Variants in ZW10 observed in about 807,000 individuals in gnomAD.
ZW10 encodes zw10 kinetochore protein.
In ZW10, 53 loss-of-function variants were observed where a neutral mutation model predicts 87.8. The observed-to-expected ratio is 0.60, with a 90% CI of 0.48 to 0.76. The LOEUF is 0.76. ZW10 is among the 30% of genes least tolerant of loss of function. The pLI is 0.00. For synonymous variants in ZW10, 312 were observed against 329.2 expected (o/e 0.95, Z 0.57); for missense variants, 837 against 923.0 (o/e 0.91, Z 1.21).
At chr11:113,741,828 T>C in intron 10 of ZW10, 63 bp from the exon 11 acceptor site, 1 of 1,142,444 alleles carries the variant, frequency 8.8e-7, no homozygotes, top group Non-Finnish European at 1.3e-6. Flanking sequence ...AGAAAAAAAT[T>C]TAAACTAAGT....
At chr11:113,773,517 A>G (rs1335892337) in intron 1 of ZW10, 45 bp downstream of exon 1, 15 of 1,547,322 alleles carry the variant, frequency 9.7e-6, no homozygotes, top group Non-Finnish European at 1.2e-5. Context: ...TCACACAAGG[A>G]CCCGGAGTCC....
chr11:113,746,140 A>G (rs566064268), intron 9 of ZW10, among the ~76,000 whole-genome samples: 1 of 152,346 alleles, frequency 6.6e-6, no homozygotes, highest in South Asian at 2.1e-4. Context: ...CCAAATGTTA[A>G]CACTGCCACT....
chr11:113,739,485 C>T (rs1271120022), intron 11 of ZW10, 103 bp from the exon 12 acceptor site: 2 of 1,054,870 alleles, frequency 1.9e-6, no homozygotes, highest in Non-Finnish European at 1.4e-6. Flanking sequence ...GCTTTAATAA[C>T]TGTCTAGTTT....
intron 9 of ZW10, 69 bp downstream of exon 9, chr11:113,747,462 T>G: frequency 2.2e-6 from 3 of 1,354,944 alleles, no homozygotes; most frequent in Non-Finnish European, 3.1e-6. Flanking sequence ...CACTTTACTA[T>G]ATGCATCTCA....
intron 9 of ZW10, 75 bp downstream of exon 9, chr11:113,747,456 T>C (rs1030404245): frequency 7.6e-7 from 1 of 1,323,628 alleles, no homozygotes. Flanking sequence ...CTCTTCCACT[T>C]TACTATATGC....
At chr11:113,751,083 G>C in intron 7 of ZW10, 1 of 187,416 alleles carries the variant, frequency 5.3e-6, no homozygotes, top group Admixed American at 4.9e-5. Context: ...TTATTAGGTA[G>C]ATGCCTTGGA....
At chr11:113,772,694 C>A (rs909568025) in intron 1 of ZW10, among the ~76,000 whole-genome samples, 1 of 151,784 alleles carries the variant, frequency 6.6e-6, no homozygotes, top group Non-Finnish European at 1.5e-5. Context: ...ATTAAGAGGC[C>A]GGAGACGGTG....
chr11:113,747,387 G>A, intron 9 of ZW10, 144 bp downstream of exon 9: 2 of 673,002 alleles, frequency 3.0e-6, no homozygotes, highest in South Asian at 2.4e-5. Context: ...CACTTTAAAG[G>A]AGACAAAACC....
At position 113,773,577 on chromosome 11, in the gene ZW10, C is replaced by A. The variant is rs1174115553; in HGVS notation, c.90G>T (p.Arg30=). The A allele has an allele frequency of 2.5e-6, 4 of 1,613,504 alleles. No homozygotes were observed. The highest frequency in any genetic ancestry group is 2.2e-5 in the East Asian group (1 of 44,884). ...LGTRISRLTR[R]VEEIKGEVCN... ...CCGCTCTCACCTTGATCTCCTCCAC[C>A]CGCCGGGTCAGGCGGCTGATCCGGG... The change falls in exon 1 of 16, where the codon CGG becomes CGT. Residue 30 remains arginine (R), a synonymous_variant. Transcript: ENST00000200135.
chr11:113,745,701 G>A (rs183615437), intron 9 of ZW10, among the ~76,000 whole-genome samples: 172 of 152,318 alleles, frequency 1.1e-3, no homozygotes, highest in African/African-American at 3.6e-3. Flanking sequence ...ACGGAAGAAT[G>A]TTAGACCTAG....
At chr11:113,748,157 A>G (rs1953699693) in intron 8 of ZW10, 100 bp downstream of exon 8, 1 of 1,106,550 alleles carries the variant, frequency 9.0e-7, no homozygotes, top group Admixed American at 2.8e-5. Flanking sequence ...AATTTACTTA[A>G]AGGTATAACT....
chr11:113,747,082 C>G (rs1425832322), intron 9 of ZW10, among the ~76,000 whole-genome samples: 1 of 151,646 alleles, frequency 6.6e-6, no homozygotes, highest in Non-Finnish European at 1.5e-5. Flanking sequence ...TTATTTATAT[C>G]CTATCTTTTT....
intron 7 of ZW10, among the ~76,000 whole-genome samples, chr11:113,750,232 A>C (rs1350464994): frequency 6.6e-6 from 1 of 152,212 alleles, no homozygotes; most frequent in African/African-American, 2.4e-5. Context: ...TTTCACAATC[A>C]ATGGCAGCTG....
At chr11:113,770,970 A>AT (rs71063523) in intron 1 of ZW10, among the ~76,000 whole-genome samples, 41,341 of 116,022 alleles carry the variant, frequency 0.36, 9,508 homozygotes, top group Non-Finnish European at 0.49. Flanking sequence ...TGAGGATGCT[A>AT]TTTTTTTTTT....
chr11:113,760,628 T>C (rs1953847442), intron 3 of ZW10, 38 bp from the exon 4 acceptor site: 1 of 1,521,042 alleles, frequency 6.6e-7, no homozygotes, highest in African/African-American at 1.4e-5. Flanking sequence ...CATCCTATTA[T>C]TTCAAGTCTG....
At chr11:113,764,829 T>C (rs185118751) in intron 2 of ZW10, among the ~76,000 whole-genome samples, 2 of 152,330 alleles carry the variant, frequency 1.3e-5, no homozygotes, top group Admixed American at 6.5e-5. Flanking sequence ...TCCATGAAAC[T>C]ATTCTCTACT....
At position 113,760,528 on chromosome 11, in the gene ZW10, A is replaced by C. The variant is rs1322178808; in HGVS notation, c.405T>G (p.Ala135=). ...ALTEKKYVTG[A]QRLEEAQKCL... ...CATTTAGTACCTCTTCCAGACGCTG[A>C]GCACCAGTGACATACTTCTTCTCTG... Residue 135 remains alanine, a synonymous_variant, in exon 4 of 16, where the codon GCT becomes GCG. Coordinates refer to ENST00000200135, the MANE Select transcript of ZW10 (RefSeq NM_004724.4). 6.2e-7 allele frequency: 1 copy of C among 1,613,834 alleles called. No homozygotes were observed.
intron 4 of ZW10, 29 bp downstream of exon 4, chr11:113,760,484 G>A (rs773460735): frequency 3.7e-6 from 6 of 1,606,056 alleles, no homozygotes; most frequent in Non-Finnish European, 5.1e-6. Context: ...AGCACTTATT[G>A]CGCATGCTTT....
At chr11:113,757,101 T>C (rs1199021112) in intron 7 of ZW10, among the ~76,000 whole-genome samples, 4 of 143,708 alleles carry the variant, frequency 2.8e-5, no homozygotes, top group Non-Finnish European at 4.6e-5. Context: ...GTAAATCAAA[T>C]AGACTTAAAA....
Sources: allele counts gnomAD v4.1 joint callset (sites outside exome capture counted in the v4.1 genomes callset), GRCh38; gene constraint gnomAD v4.1.1; transcripts MANE v1.5; gene names NCBI Gene and HGNC (gene_info 2026-07-23, HGNC 2026-07-21).